CCDC57: variants seen among roughly 807,000 people sequenced by gnomAD.
The protein encoded by CCDC57 is coiled-coil domain-containing protein 57.
In CCDC57, 118 loss-of-function variants were observed where a neutral mutation model predicts 118.9. The observed-to-expected ratio is 0.99, with a 90% CI of 0.86 to 1.16. The LOEUF (loss-of-function observed/expected upper bound fraction) is 1.16. CCDC57 is among the 50% of genes most tolerant of loss of function. The pLI is 0.00. For synonymous variants in CCDC57, 527 were observed against 532.9 expected, an observed-to-expected ratio of 0.99 and a Z score of 0.15; for missense variants, 1,300 against 1,320.7, an observed-to-expected ratio of 0.98 and a Z score of 0.24.
chr17:82,154,752 C>T (rs1236046207), intron 15 of CCDC57: 2 of 151,214 alleles, frequency 1.3e-5, no homozygotes, highest in Non-Finnish European at 2.9e-5. Context: ...CAGGGTCCCA[C>T]GTGGCGTTTC....
At chr17:82,147,489 G>C (rs2040919635) in intron 16 of CCDC57, among the ~76,000 whole-genome samples, 1 of 150,472 alleles carries the variant, frequency 6.6e-6, no homozygotes, top group Non-Finnish European at 1.5e-5. Context: ...GGATGGACAG[G>C]TGAGTGTGTG....
At position 82,201,224 on chromosome 17, in the gene CCDC57, A is replaced by G. The variant is rs1033797206; in HGVS notation, c.407+314T>C. ...AAAATCATTATAAATTCAAATATGTATTAATATAGATTTATAATTAATGAA... is the reference window on the plus strand; with the variant it reads ...AAAATCATTATAAATTCAAATATGTGTTAATATAGATTTATAATTAATGAA... On this transcript the variant is annotated intron_variant, in intron 3 of 19. Transcript: ENST00000665763. Among the ~76,000 whole-genome samples the G allele has an allele frequency of 2.0e-5, 3 of 152,254 alleles. No individual in the cohort carries two copies. In the East Asian group the frequency reaches 5.8e-4, roughly 29 times the overall value.
chr17:82,146,893 GCACA>G (rs1041166184), intron 16 of CCDC57, among the ~76,000 whole-genome samples: 1 of 152,130 alleles, frequency 6.6e-6, no homozygotes, highest in Non-Finnish European at 1.5e-5. Context: ...AAACGTGTGT[GCACA>G]CACACAGTCT....
exon 13 of CCDC57, chr17:82,171,792 T>C: frequency 1.2e-6 from 2 of 1,614,016 alleles, no homozygotes; most frequent in Non-Finnish European, 1.7e-6. Context: ...CTAGATGCTT[T>C]TCCAGAGTTT....
chr17:82,160,789 C>G (rs11077976), intron 14 of CCDC57, among the ~76,000 whole-genome samples: 70,205 of 148,750 alleles, frequency 0.47, 17,231 homozygotes, highest in East Asian at 0.88. Flanking sequence ...CAGGAGAATT[C>G]CTTGAACCCG....
chr17:82,157,371 T>G (rs8070014), intron 15 of CCDC57: 428,297 of 998,556 alleles, frequency 0.43, 95,899 homozygotes, highest in East Asian at 0.89. Context: ...GGGGCAGGCA[T>G]GGCTGTGCAC....
intron 11 of CCDC57, among the ~76,000 whole-genome samples, chr17:82,176,443 G>T (rs748816927): frequency 1.3e-5 from 2 of 152,184 alleles, no homozygotes; most frequent in Non-Finnish European, 2.9e-5. Flanking sequence ...GAGCATATGC[G>T]AAACCGTCAC....
At chr17:82,194,230 G>A in intron 5 of CCDC57, 91 bp from the exon 5 acceptor site, 4 of 1,333,578 alleles carry the variant, frequency 3.0e-6, no homozygotes, top group Non-Finnish European at 3.1e-6. Context: ...TCAGGATTGG[G>A]AGGGAGAAGA....
intron 16 of CCDC57, among the ~76,000 whole-genome samples, chr17:82,148,123 TTAGATGGATGGATGGA>T (rs1325098754): frequency 3.8e-5 from 2 of 53,244 alleles, no homozygotes; most frequent in Non-Finnish European, 7.0e-5. Flanking sequence ...GGTTGGATGG[TTAGATGGATGGATGGA>T]TGGATGGATG....
At chr17:82,184,779 T>C (rs2046729012) in intron 8 of CCDC57, among the ~76,000 whole-genome samples, 8 of 152,322 alleles carry the variant, frequency 5.3e-5, no homozygotes, top group Admixed American at 4.6e-4. Flanking sequence ...CCTGGTATTA[T>C]ATAGAATGGA....
chr17:82,127,862 T>C (rs755573619), exon 19 of CCDC57: 4 of 1,610,778 alleles, frequency 2.5e-6, no homozygotes, highest in African/African-American at 2.7e-5. Context: ...CCTGTCTTCT[T>C]TCTGCCGAGG....
At chr17:82,120,307 T>C (rs2036505181) in intron 19 of CCDC57, among the ~76,000 whole-genome samples, 1 of 152,008 alleles carries the variant, frequency 6.6e-6, no homozygotes, top group African/African-American at 2.4e-5. Context: ...TACTTTAAAC[T>C]CCAATCATGA....
rs765814499 is a variant in CCDC57, at chr17:82,193,961, G to A, written c.776+21C>T. ...CGAGGCTGCCACAGAGCACGCCTCG[G>A]GAGATGAAGGACTCGCGCACCGGGC... is the stretch of plus-strand genomic sequence containing the variant. On this transcript the variant is annotated intron_variant, in intron 6 of 19. Coordinates refer to ENST00000665763, the Ensembl canonical transcript of CCDC57. The A allele has an allele frequency of 8.1e-6, 13 of 1,599,884 alleles. No homozygotes were observed. In the South Asian group the frequency reaches 1.3e-4, roughly 16 times the overall value.
intron 8 of CCDC57, among the ~76,000 whole-genome samples, chr17:82,184,202 G>C (rs905950088): frequency 7.3e-5 from 11 of 151,466 alleles, no homozygotes; most frequent in Admixed American, 6.6e-4. Context: ...CCAGATTCCA[G>C]CTAAGCTCCT....
exon 3 of CCDC57, chr17:82,201,542 G>A (rs1336283164): frequency 1.2e-6 from 2 of 1,600,644 alleles, no homozygotes; most frequent in Non-Finnish European, 8.5e-7. Flanking sequence ...GCTCACCTGT[G>A]GACGCGCTCC....
In CCDC57 at chr17:82,179,022, C is replaced by T. The variant is rs1845606507; in HGVS notation, c.1374+5G>A. The T allele has an allele frequency of 1.9e-6, 3 of 1,612,918 alleles. No homozygotes were observed. The highest frequency in any genetic ancestry group is 2.5e-6 in the Non-Finnish European group (3 of 1,179,312). ...AAGGCCCCAGGCCCTGGTGGCCGCACACACCTGACTTTTTGCCATGCTCAG... is the reference window on the plus strand; with the variant it reads ...AAGGCCCCAGGCCCTGGTGGCCGCATACACCTGACTTTTTGCCATGCTCAG... On this transcript the variant is annotated splice_donor_5th_base_variant and intron_variant, in intron 10 of 19. Transcript: ENST00000665763.
At chr17:82,154,635 T>A (rs1397276869) in intron 15 of CCDC57, 1 of 136,562 alleles carries the variant, frequency 7.3e-6, no homozygotes, top group East Asian at 2.3e-4. Flanking sequence ...TCCCACATGG[T>A]GTTTCTACAG....
At chr17:82,181,060 C>G (rs2046152136) in intron 9 of CCDC57, among the ~76,000 whole-genome samples, 1 of 152,188 alleles carries the variant, frequency 6.6e-6, no homozygotes, top group African/African-American at 2.4e-5. Context: ...GGTGGTCTTG[C>G]TGTGACGAGG....
intron 9 of CCDC57, among the ~76,000 whole-genome samples, chr17:82,180,023 C>G (rs2046006702): frequency 6.6e-6 from 1 of 152,218 alleles, no homozygotes; most frequent in African/African-American, 2.4e-5. Flanking sequence ...GGCAGCGACA[C>G]AGAGATGGTG....
Sources: allele counts gnomAD v4.1 joint callset (sites outside exome capture counted in the v4.1 genomes callset), GRCh38; gene constraint gnomAD v4.1.1; transcripts MANE v1.5; gene names NCBI Gene and HGNC (gene_info 2026-07-23, HGNC 2026-07-21).